TBC1D5: variants seen among roughly 807,000 people sequenced by gnomAD.
TBC1D5 encodes the protein TBC1 domain family, member 5.
In TBC1D5, 75 loss-of-function variants were observed where a neutral mutation model predicts 100.3. The ratio of observed to expected loss-of-function variants is 0.75; its 90% CI spans 0.62 to 0.91. TBC1D5 has a LOEUF of 0.91. TBC1D5 is among the 40% of genes least tolerant of loss of function. The pLI, the probability that TBC1D5 is intolerant of heterozygous loss-of-function variation, is 0.00. For missense variants in TBC1D5, 910 were observed against 942.4 expected (o/e 0.97, Z 0.45); for synonymous variants, 323 against 325.6 (o/e 0.99, Z 0.09).
chr3:17,562,694 T>TA (rs930533351), intron 2 of TBC1D5, among the ~76,000 whole-genome samples: 1 of 152,040 alleles, frequency 6.6e-6, no homozygotes, highest in Non-Finnish European at 1.5e-5. Context: ...AACCTAGATA[T>TA]AAAAAAATGT....
Position 17,405,318 on chromosome 3 carries a change from C to T in TBC1D5, c.277-357G>A, listed in dbSNP as rs141234899. ...GTGGTAAGGGGGTTATTAAGGAGCA[C>T]AAAGTCTGATTAGTAATTGCTACAT... On this transcript the variant is annotated intron_variant, in intron 5 of 21. Transcript: ENST00000253692. Among the ~76,000 whole-genome samples, 166 of 152,034 alleles carry T rather than the reference C, an allele frequency of 1.1e-3. 1 individual carries two copies. Among genetic ancestry groups the T allele is most frequent in the Admixed American group, 9.1e-3 (139 of 15,238 alleles).
chr3:17,636,572 A>G (rs1373673295), intron 1 of TBC1D5, among the ~76,000 whole-genome samples: 2 of 152,124 alleles, frequency 1.3e-5, no homozygotes, highest in African/African-American at 4.8e-5. Flanking sequence ...CAGGCGGATC[A>G]CAAGATCAGG....
At chr3:17,469,509 GAAAA>G (rs375335378) in intron 3 of TBC1D5, among the ~76,000 whole-genome samples, 1 of 126,578 alleles carries the variant, frequency 7.9e-6, no homozygotes, top group Non-Finnish European at 1.7e-5. Flanking sequence ...ACATGCACAA[GAAAA>G]AAAAAAAAAC....
chr3:17,526,921 A>G (rs1206324122), intron 2 of TBC1D5, among the ~76,000 whole-genome samples: 1 of 152,206 alleles, frequency 6.6e-6, no homozygotes, highest in Non-Finnish European at 1.5e-5. Flanking sequence ...CTGTTGAGGA[A>G]GGAAAGAAGG....
intron 3 of TBC1D5, among the ~76,000 whole-genome samples, chr3:17,451,647 T>C (rs774904243): frequency 2.0e-5 from 3 of 151,812 alleles, no homozygotes; most frequent in Non-Finnish European, 4.4e-5. Context: ...AGGGGAGGGA[T>C]AGCATTAGGA....
intron 3 of TBC1D5, among the ~76,000 whole-genome samples, chr3:17,429,394 T>A (rs2149376834): frequency 6.6e-6 from 1 of 152,086 alleles, no homozygotes; most frequent in Non-Finnish European, 1.5e-5. Flanking sequence ...ATTAAAAATG[T>A]CATTTGTTCT....
chr3:17,341,596 T>A (rs2088945763), intron 13 of TBC1D5, among the ~76,000 whole-genome samples: 1 of 151,950 alleles, frequency 6.6e-6, no homozygotes, highest in Non-Finnish European at 1.5e-5. Flanking sequence ...GAGTAAGGAG[T>A]AGAGTTGGGA....
At chr3:17,664,744 A>C (rs1254127167) in intron 1 of TBC1D5, among the ~76,000 whole-genome samples, 1 of 152,226 alleles carries the variant, frequency 6.6e-6, no homozygotes, top group East Asian at 1.9e-4. Flanking sequence ...AGAACAGAAC[A>C]CTACCACTGT....
At chr3:17,726,567 T>G (rs1228605947) in intron 1 of TBC1D5, among the ~76,000 whole-genome samples, 3 of 152,366 alleles carry the variant, frequency 2.0e-5, no homozygotes, top group South Asian at 4.1e-4. Flanking sequence ...ATTGTTTGTT[T>G]TTTGCTTGTT....
chr3:17,591,757 T>C (rs1247452887), intron 2 of TBC1D5, among the ~76,000 whole-genome samples: 1 of 152,194 alleles, frequency 6.6e-6, no homozygotes, highest in East Asian at 1.9e-4. Flanking sequence ...AGGGCTATTA[T>C]GGTGGGAAAG....
At chr3:17,363,688 T>C (rs1057439) in intron 13 of TBC1D5, among the ~76,000 whole-genome samples, 1 of 151,876 alleles carries the variant, frequency 6.6e-6, no homozygotes, top group Non-Finnish European at 1.5e-5. Flanking sequence ...GCTGCGATTA[T>C]AAGCATGAGC....
chr3:17,165,840 C>A (rs1391524936), intron 21 of TBC1D5, among the ~76,000 whole-genome samples: 1 of 152,110 alleles, frequency 6.6e-6, no homozygotes, highest in Non-Finnish European at 1.5e-5. Context: ...GACAGCAGGG[C>A]AACATGGTGG....
chr3:17,403,241 CA>C lies in TBC1D5; in HGVS notation c.448del (p.Trp150GlyfsTer13). 1 of 1,586,496 alleles carries C rather than the reference CA, an allele frequency of 6.3e-7. No individual in the cohort carries two copies. Among genetic ancestry groups the C allele is most frequent in the Non-Finnish European group, 8.6e-7 (1 of 1,162,978 alleles). On this transcript the variant is annotated frameshift_variant, in exon 8 of 22. Coordinates refer to ENST00000253692, the Ensembl canonical transcript of TBC1D5. LOFTEE classifies it high-confidence loss of function. Reference sequence around the variant, plus strand: ...TTCTTTATCTTGGAAGAATTTGTTCCAAAGACTCTGAAATAAGGAAAACAAT... The same window carrying C: ...TTCTTTATCTTGGAAGAATTTGTTCCAAGACTCTGAAATAAGGAAAACAAT...
chr3:17,219,506 C>G (rs1392813003), intron 17 of TBC1D5, among the ~76,000 whole-genome samples: 2 of 149,862 alleles, frequency 1.3e-5, no homozygotes, highest in African/African-American at 4.9e-5. Flanking sequence ...ATACCTTATA[C>G]TTTTATTGAA....
chr3:17,558,908 G>A (rs1046670612), intron 2 of TBC1D5, among the ~76,000 whole-genome samples: 2 of 152,088 alleles, frequency 1.3e-5, no homozygotes, highest in African/African-American at 4.8e-5. Flanking sequence ...TACAAAAATG[G>A]ATGCCAGGCC....
chr3:17,493,606 A>G (rs114251619), intron 3 of TBC1D5, among the ~76,000 whole-genome samples: 12,130 of 152,056 alleles, frequency 0.08, 989 homozygotes, highest in African/African-American at 0.22. Context: ...CATAGTTCTC[A>G]GAGGTTTTGT....
intron 1 of TBC1D5, among the ~76,000 whole-genome samples, chr3:17,713,346 A>T (rs564150637): frequency 6.7e-6 from 1 of 150,178 alleles, no homozygotes; most frequent in East Asian, 2.0e-4. Flanking sequence ...GGTTCACGCC[A>T]TTCTCCTGCC....
At chr3:17,388,582 C>G (rs938792564) in intron 8 of TBC1D5, among the ~76,000 whole-genome samples, 3 of 151,464 alleles carry the variant, frequency 2.0e-5, no homozygotes, top group Non-Finnish European at 4.4e-5. Flanking sequence ...GGTGAAGAGG[C>G]TCACACCTAT....
chr3:17,636,714 T>C (rs909836836), intron 1 of TBC1D5, among the ~76,000 whole-genome samples: 1 of 151,330 alleles, frequency 6.6e-6, no homozygotes, highest in Non-Finnish European at 1.5e-5. Flanking sequence ...GGCAGGAGAA[T>C]GGCATGAACC....
Sources: gnomAD v4.1 joint callset for allele counts (sites outside exome capture counted in the v4.1 genomes callset) on GRCh38, gnomAD v4.1.1 for gene constraint, MANE v1.5 for transcripts, NCBI Gene and HGNC (gene_info 2026-07-23, HGNC 2026-07-21) for gene names.